The following AREL1 variants were observed in gnomAD, a reference collection of about 807,000 sequenced individuals.
AREL1 encodes the protein apoptosis-resistant E3 ubiquitin protein ligase 1.
AREL1 carries 62 observed loss-of-function variants against 99.0 expected under a neutral mutation model. The ratio of observed to expected loss-of-function variants is 0.63; its 90% CI spans 0.51 to 0.77. AREL1 has a LOEUF of 0.77. Among genes scored for constraint, AREL1 ranks in the 30% least tolerant of loss-of-function variants. AREL1 has a pLI of 0.00. For missense variants in AREL1, 879 were observed against 1,027.6 expected, an observed-to-expected ratio of 0.86 and a Z score of 1.98; for synonymous variants, 380 against 376.5, an observed-to-expected ratio of 1.01 and a Z score of -0.11.
rs528416084 is a variant in AREL1 at position 74,661,984 on chromosome 14, C to G, written c.*1736G>C. ...GCCCAAGGGGCAGCATTATGTTTCC[C>G]AGGGTGGTGATAAACCTTCCGGTAC... On this transcript the variant is annotated 3_prime_UTR_variant, in exon 20 of 20. Coordinates refer to ENST00000356357, the MANE Select transcript of AREL1 (RefSeq NM_001039479.2). 2 of 152,744 alleles carry G rather than the reference C, an allele frequency of 1.3e-5. No individual in the cohort carries two copies. Among genetic ancestry groups the G allele is most frequent in the African/African-American group, 4.8e-5 (2 of 41,442 alleles). 9.5% of individuals were successfully genotyped at this position (152,744 alleles called of 1,614,324 possible). A position where few individuals can be genotyped will look rare whatever the true frequency, so the allele number is the denominator to read the frequency against.
Position 74,676,320 on chromosome 14 carries a change from A to G in AREL1, c.653T>C (p.Leu218Pro). ...AGTACTCTCTTCTTCTTGAGGGCCG[A>G]GCTATAGGAAGGCAACAGAGCATCA... is the stretch of plus-strand genomic sequence containing the variant. ...EHNYTLSIHE[L>P]GPQEEESTGV... Residue 218 changes from leucine to proline, a missense_variant and splice_region_variant, in exon 7 of 20, where the codon CTC becomes CCC. Transcript: ENST00000356357. 1 of 1,613,808 alleles carries G rather than the reference A, an allele frequency of 6.2e-7. No individual in the cohort carries two copies. Among genetic ancestry groups the G allele is most frequent in the South Asian group, 1.1e-5 (1 of 91,052 alleles).
intron 5 of AREL1, among the ~76,000 whole-genome samples, chr14:74,677,223 G>A (rs148847269): frequency 9.2e-5 from 14 of 151,908 alleles, no homozygotes; most frequent in African/African-American, 2.4e-4. Flanking sequence ...GGCCAGGTGC[G>A]GTGGCTCACA....
At chr14:74,664,969 A>G in intron 17 of AREL1, 44 bp from the exon 18 acceptor site, 2 of 1,547,854 alleles carry the variant, frequency 1.3e-6, no homozygotes, top group East Asian at 4.5e-5. Context: ...TCAGAGAGAC[A>G]AAGACCCAAT....
chr14:74,674,880 C>T (rs1475495051), intron 8 of AREL1, among the ~76,000 whole-genome samples: 1 of 152,052 alleles, frequency 6.6e-6, no homozygotes, highest in Non-Finnish European at 1.5e-5. Context: ...GGAAGGGAGG[C>T]AAGATGGGGT....
At chr14:74,710,680 C>A (rs2090263642) in intron 1 of AREL1, among the ~76,000 whole-genome samples, 2 of 152,080 alleles carry the variant, frequency 1.3e-5, no homozygotes, top group East Asian at 3.8e-4. Context: ...CTTCTAGTGA[C>A]CACAAATGGG....
At chr14:74,674,146 A>G in intron 8 of AREL1, 35 bp from the exon 9 acceptor site, 3 of 1,552,964 alleles carry the variant, frequency 1.9e-6, no homozygotes, top group Non-Finnish European at 2.7e-6. Flanking sequence ...GAAGTGAATG[A>G]TAAATAAAAA....
chr14:74,661,396 A>C lies in AREL1; in HGVS notation c.*2324T>G. Reference sequence around the variant, plus strand: ...TCCAGAAACATGCTGACACTCTCCTAGGTATTCACTCATGTCTGGTCTCCT... The same window carrying C: ...TCCAGAAACATGCTGACACTCTCCTCGGTATTCACTCATGTCTGGTCTCCT... On this transcript the variant is annotated 3_prime_UTR_variant, in exon 20 of 20. Transcript: ENST00000356357. The C allele has an allele frequency of 2.2e-6, 1 of 453,728 alleles. No individual in the cohort carries two copies. The highest frequency in any genetic ancestry group is 4.4e-6 in the Non-Finnish European group (1 of 225,468). The allele number at this position is 453,728 out of a possible 1,614,324, so 28.1% of individuals were successfully genotyped here. A position where few individuals can be genotyped will look rare whatever the true frequency, so the allele number is the denominator to read the frequency against.
chr14:74,670,704 T>G, intron 13 of AREL1, 58 bp downstream of exon 13: 1 of 1,462,974 alleles, frequency 6.8e-7, no homozygotes, highest in East Asian at 2.3e-5. Flanking sequence ...TTTGAATCCT[T>G]GTTAGTCTAC....
rs10137269 is a variant in AREL1, at chr14:74,677,000, T to C, written c.482-248A>G. On this transcript the variant is annotated intron_variant, in intron 5 of 19. Coordinates refer to ENST00000356357, the MANE Select transcript of AREL1 (RefSeq NM_001039479.2). ...ATTTTTAGTGGAGACGGGGTTTCACTGTGTTAGCCAGGATAGTCTCGATCT... is the reference window on the plus strand; with the variant it reads ...ATTTTTAGTGGAGACGGGGTTTCACCGTGTTAGCCAGGATAGTCTCGATCT... 5.3e-3 allele frequency among the ~76,000 whole-genome samples: 811 copies of C among 151,902 alleles called. 4 individuals carry two copies. Among genetic ancestry groups the C allele is most frequent in the Admixed American group, 7.8e-3 (119 of 15,272 alleles).
rs372180737 is a variant in AREL1, at chr14:74,683,168, T to G, written c.481+128A>C. Reference sequence around the variant, plus strand: ...TAAAGAACCATTAAACTGTATACTTTAAAAGGATGAATTTTATGGCATGGG... The same window carrying G: ...TAAAGAACCATTAAACTGTATACTTGAAAAGGATGAATTTTATGGCATGGG... On this transcript the variant is annotated intron_variant, in intron 5 of 19. Coordinates refer to ENST00000356357, the MANE Select transcript of AREL1 (RefSeq NM_001039479.2). 73 of 719,450 alleles carry G rather than the reference T, an allele frequency of 1.0e-4. 1 individual carries two copies. The African/African-American group carries it at 1.0e-3, about 10-fold the overall frequency. The allele number at this position is 719,450 out of a possible 1,614,324, so 44.6% of individuals were successfully genotyped here. A position where few individuals can be genotyped will look rare whatever the true frequency, so the allele number is the denominator to read the frequency against.
chr14:74,696,801 C>T (rs1262055064), intron 1 of AREL1, among the ~76,000 whole-genome samples: 1 of 152,040 alleles, frequency 6.6e-6, no homozygotes, highest in African/African-American at 2.4e-5. Context: ...CCCATCACTA[C>T]TAAAATACGA....
intron 2 of AREL1, among the ~76,000 whole-genome samples, chr14:74,689,108 A>C (rs2089813499): frequency 6.6e-6 from 1 of 151,812 alleles, no homozygotes; most frequent in Admixed American, 6.6e-5. Flanking sequence ...TTGGCTTCCC[A>C]AAGTGCTGGG....
intron 10 of AREL1, 35 bp from the exon 11 acceptor site, chr14:74,672,987 T>A (rs969291784): frequency 6.2e-7 from 1 of 1,614,022 alleles, no homozygotes; most frequent in African/African-American, 1.3e-5. Flanking sequence ...TACAGCCTCA[T>A]TACAAGCCAT....
In AREL1 at chr14:74,670,054, T is replaced by G; in HGVS notation, c.1681A>C (p.Lys561Gln). 1 of 1,614,076 alleles carries G rather than the reference T, an allele frequency of 6.2e-7. No individual in the cohort carries two copies. The highest frequency in any genetic ancestry group is 8.5e-7 in the Non-Finnish European group (1 of 1,179,968). Residue 561 changes from lysine to glutamine, a missense_variant, in exon 14 of 20, where the codon AAG (lysine) becomes CAG (glutamine). By Grantham distance (53) the Lys-to-Gln change is moderately conservative. Transcript: ENST00000356357. The part of the protein sequence containing the change: ...MYEFAGRLVG[K>Q]CLYESSLGGA... The stretch of plus-strand genomic sequence containing the variant: ...CCTAGAGAGGACTCATAGAGACACT[T>G]GCCCACGAGCCGTCCCGCAAACTCA...
chr14:74,697,811 T>A (rs2090004747), intron 1 of AREL1, among the ~76,000 whole-genome samples: 1 of 152,118 alleles, frequency 6.6e-6, no homozygotes. Context: ...CATGACATAC[T>A]ACTCTTGAGC....
chr14:74,698,880 TG>T, intron 1 of AREL1: 1 of 160,016 alleles, frequency 6.2e-6, no homozygotes, highest in South Asian at 8.3e-5. Context: ...AAAAAAAAGC[TG>T]GGTGTGGTGG....
At chr14:74,709,587 C>G (rs1473470609) in intron 1 of AREL1, among the ~76,000 whole-genome samples, 1 of 152,212 alleles carries the variant, frequency 6.6e-6, no homozygotes, top group African/African-American at 2.4e-5. Flanking sequence ...AGTAATCTAT[C>G]TCTGAGGTAT....
rs115323530 is a variant in AREL1 at position 74,672,864 on chromosome 14, G to A, written c.1389C>T (p.Thr463=). Residue 463 remains threonine, a synonymous_variant, in exon 11 of 20, where the codon ACC becomes ACT. Coordinates refer to ENST00000356357, the MANE Select transcript of AREL1 (RefSeq NM_001039479.2). ...VHMKRPHSKV[T]LKVSRHALLE... ...ACAAGGCATGTCTGCTGACCTTCAG[G>A]GTGACTTTGGAATGTGGTCTTTTCA... is the stretch of plus-strand genomic sequence containing the variant. The A allele has an allele frequency of 1.5e-3, 2,450 of 1,614,100 alleles. 30 individuals are homozygous for A. The African/African-American group carries it at 0.029, about 19-fold the overall frequency.
rs376715219 is a variant in AREL1, at chr14:74,683,429, T to C, written c.348A>G (p.Glu116=). 6.5e-5 allele frequency: 105 copies of C among 1,614,154 alleles called. No homozygotes were observed. The African/African-American group carries it at 9.6e-4, about 15-fold the overall frequency. The change falls in exon 5 of 20, where the codon GAA becomes GAG. Residue 116 remains glutamate (E), a synonymous_variant. Coordinates refer to ENST00000356357, the MANE Select transcript of AREL1 (RefSeq NM_001039479.2). The stretch of plus-strand genomic sequence containing the variant: ...CGTTGGAATTGGGCTCCTGAAGGAC[T>C]TCCTGGGTCACTGGAATTTCCACTG... The part of the protein sequence containing the change: ...ELAVEIPVTQ[E]VLQEPNSNVV...
Sources: allele counts gnomAD v4.1 joint callset (sites outside exome capture counted in the v4.1 genomes callset), GRCh38; gene constraint gnomAD v4.1.1; transcripts MANE v1.5; gene names NCBI Gene and HGNC (gene_info 2026-07-23, HGNC 2026-07-21).